The following FBXO16 variants were observed in gnomAD, a reference collection of about 807,000 sequenced individuals.
The protein encoded by FBXO16 is F-box only protein 16.
A neutral mutation model predicts 41.0 loss-of-function variants in FBXO16; 31 were observed. The observed-to-expected ratio is 0.76, with a 90% confidence interval of 0.57 to 1.02. FBXO16 has a LOEUF of 1.02. Ranked by LOEUF, FBXO16 falls within the 50% of genes least tolerant of loss-of-function variation. The probability of loss-of-function intolerance (pLI) is 0.00; values close to 1 mark genes in which losing one functional copy is unlikely to be tolerated. For missense variants in FBXO16, 361 were observed against 346.2 expected, an observed-to-expected ratio of 1.04 and a Z score of -0.34; for synonymous variants, 133 against 117.8, an observed-to-expected ratio of 1.13 and a Z score of -0.84.
chr8:28,457,081 A>C, intron 4 of FBXO16, 151 bp from the exon 5 acceptor site: 1 of 709,162 alleles, frequency 1.4e-6, no homozygotes, highest in Non-Finnish European at 2.2e-6. Context: ...GTTACCTCCT[A>C]CCTGAAGTGT....
At chr8:28,435,388 G>A (rs1563356822) in intron 7 of FBXO16, among the ~76,000 whole-genome samples, 1 of 152,060 alleles carries the variant, frequency 6.6e-6, no homozygotes. Context: ...TGGCCAGGCT[G>A]GTCTTGAACT....
At chr8:28,447,142 G>T (rs1451100983) in intron 7 of FBXO16, 29 bp downstream of exon 7, 2 of 1,556,548 alleles carry the variant, frequency 1.3e-6, no homozygotes, top group East Asian at 4.5e-5. Context: ...TAATGTTATG[G>T]TGATGAATCT....
intron 4 of FBXO16, among the ~76,000 whole-genome samples, chr8:28,461,483 G>C (rs1803133207): frequency 6.6e-6 from 1 of 151,924 alleles, no homozygotes; most frequent in African/African-American, 2.4e-5. Flanking sequence ...ACATATTCTA[G>C]AGACATCTGC....
intron 4 of FBXO16, among the ~76,000 whole-genome samples, chr8:28,457,734 AC>A (rs1803060780): frequency 6.6e-6 from 1 of 152,186 alleles, no homozygotes; most frequent in African/African-American, 2.4e-5. Flanking sequence ...ACATAGCCCA[AC>A]CATATCACCT....
At chr8:28,438,593 C>T (rs114745548) in intron 7 of FBXO16, among the ~76,000 whole-genome samples, 1,611 of 152,314 alleles carry the variant, frequency 0.011, 28 homozygotes, top group African/African-American at 0.036. Context: ...ACTACTATTA[C>T]TACCACTAGC....
intron 3 of FBXO16, among the ~76,000 whole-genome samples, chr8:28,467,180 G>A (rs1203679526): frequency 3.3e-5 from 5 of 151,956 alleles, no homozygotes; most frequent in Non-Finnish European, 5.9e-5. Context: ...GGATGATTAC[G>A]GTTACAAAAA....
At chr8:28,489,273 C>T (rs1245142247) in intron 1 of FBXO16, among the ~76,000 whole-genome samples, 2 of 151,584 alleles carry the variant, frequency 1.3e-5, no homozygotes, top group Non-Finnish European at 2.9e-5. Context: ...GCCTGGGAGG[C>T]AGAGGTTGCA....
At chr8:28,463,886 G>C in intron 3 of FBXO16, 68 bp from the exon 4 acceptor site, 1 of 1,424,598 alleles carries the variant, frequency 7.0e-7, no homozygotes, top group Non-Finnish European at 9.7e-7. Flanking sequence ...TTCATTACGA[G>C]TAAGACATGA....
intron 4 of FBXO16, among the ~76,000 whole-genome samples, chr8:28,460,246 T>TATATATATATATATATATATA (rs58128827): frequency 1.2e-4 from 8 of 66,654 alleles, no homozygotes; most frequent in African/African-American, 5.5e-4. Flanking sequence ...TATATATATA[T>TATATATATATATATATATATA]TTTTTTTTTT....
chr8:28,475,629 C>T (rs1390271114), intron 2 of FBXO16, among the ~76,000 whole-genome samples: 1 of 152,206 alleles, frequency 6.6e-6, no homozygotes, highest in Non-Finnish European at 1.5e-5. Context: ...CTCCTAACTC[C>T]TACTCAATTT....
chr8:28,486,042 G>A (rs1212139347), intron 1 of FBXO16, among the ~76,000 whole-genome samples: 1 of 150,938 alleles, frequency 6.6e-6, no homozygotes, highest in Non-Finnish European at 1.5e-5. Flanking sequence ...GGAGGTGGAG[G>A]TTGCAGTGAG....
chr8:28,453,725 C>T (rs1349471111), intron 5 of FBXO16, among the ~76,000 whole-genome samples: 1 of 151,906 alleles, frequency 6.6e-6, no homozygotes, highest in Non-Finnish European at 1.5e-5. Flanking sequence ...TCTTTGTATA[C>T]AATTCTATTA....
At chr8:28,441,908 ATATG>A (rs1458023638) in intron 7 of FBXO16, among the ~76,000 whole-genome samples, 4 of 115,380 alleles carry the variant, frequency 3.5e-5, no homozygotes, top group Admixed American at 8.1e-5. Context: ...GTGTATATAT[ATATG>A]TGTGTGTGTG....
intron 7 of FBXO16, among the ~76,000 whole-genome samples, chr8:28,434,454 C>A (rs1336582245): frequency 1.3e-5 from 2 of 152,200 alleles, no homozygotes; most frequent in African/African-American, 4.8e-5. Context: ...GCCAGTCCTT[C>A]TTCTAGGAAT....
chr8:28,489,065 A>G (rs1195085625), intron 1 of FBXO16, among the ~76,000 whole-genome samples: 1 of 152,192 alleles, frequency 6.6e-6, no homozygotes, highest in Non-Finnish European at 1.5e-5. Flanking sequence ...GAGCAGTTTA[A>G]GGATTAAAAC....
intron 5 of FBXO16, among the ~76,000 whole-genome samples, chr8:28,452,751 A>G (rs1286122815): frequency 6.6e-6 from 1 of 152,066 alleles, no homozygotes; most frequent in East Asian, 1.9e-4. Context: ...CAGTGAGCCA[A>G]GATGGTGCCT....
chr8:28,466,787 C>T (rs776096966), intron 3 of FBXO16, among the ~76,000 whole-genome samples: 3 of 152,076 alleles, frequency 2.0e-5, no homozygotes, highest in Non-Finnish European at 4.4e-5. Flanking sequence ...GAGTTGTGGG[C>T]CTCACAGAGG....
chr8:28,459,343 C>T (rs921667749), intron 4 of FBXO16, among the ~76,000 whole-genome samples: 5 of 152,038 alleles, frequency 3.3e-5, no homozygotes, highest in African/African-American at 4.8e-5. Flanking sequence ...ATAGGCTGGG[C>T]GCAGTGGCTC....
intron 3 of FBXO16, among the ~76,000 whole-genome samples, chr8:28,473,242 C>T (rs1338314333): frequency 6.6e-6 from 1 of 152,186 alleles, no homozygotes; most frequent in East Asian, 1.9e-4. Context: ...CAAATCCTAA[C>T]TGATACCTAC....
Sources: gnomAD v4.1 joint callset for allele counts (sites outside exome capture counted in the v4.1 genomes callset) on GRCh38, gnomAD v4.1.1 for gene constraint, MANE v1.5 for transcripts, NCBI Gene and HGNC (gene_info 2026-07-23, HGNC 2026-07-21) for gene names.